Variants in DNAH14 observed in about 807,000 individuals in gnomAD.
DNAH14 encodes axonemal beta dynein heavy chain 14.
In DNAH14, 478 loss-of-function variants were observed where a neutral mutation model predicts 520.9. The observed-to-expected ratio is 0.92, with a 90% CI of 0.85 to 0.99. The LOEUF (loss-of-function observed/expected upper bound fraction) is 0.99. DNAH14 is among the 50% of genes least tolerant of loss of function. The pLI is 0.00. For synonymous variants in DNAH14, 1,581 were observed against 1,757.2 expected, an observed-to-expected ratio of 0.90 and a Z score of 2.51; for missense variants, 4,831 against 5,234.5, an observed-to-expected ratio of 0.92 and a Z score of 2.38.
chr1:225,026,256 A>AT (rs1331491425), intron 11 of DNAH14, among the ~76,000 whole-genome samples: 1 of 151,270 alleles, frequency 6.6e-6, no homozygotes, highest in Non-Finnish European at 1.5e-5. Context: ...TTTTTATTTA[A>AT]TTTTTAATTT....
chr1:225,051,280 A>G (rs1209587888), intron 16 of DNAH14, among the ~76,000 whole-genome samples, 171 bp from the exon 17 acceptor site: 1 of 152,218 alleles, frequency 6.6e-6, no homozygotes, highest in Non-Finnish European at 1.5e-5. Flanking sequence ...AAGCCATCTA[A>G]ATTTCTTAAA....
intron 5 of DNAH14, 26 bp from the exon 6 acceptor site, chr1:224,967,405 G>GTT (rs761784985): frequency 1.0e-5 from 15 of 1,465,506 alleles, no homozygotes; most frequent in Admixed American, 7.5e-5. Flanking sequence ...AATTAAATTT[G>GTT]TTTATTATTT....
Position 225,331,516 on chromosome 1 carries a change from CA to C in DNAH14, c.9805del (p.Met3269TrpfsTer13). On this transcript the variant is annotated frameshift_variant, in exon 65 of 86. Transcript: ENST00000682510. LOFTEE classifies it high-confidence loss of function. The stretch of plus-strand genomic sequence containing the variant: ...AAACAACTATTAGCAAATCGGAAAA[CA>C]ATGGCCAGCAGGCGCTTTCAGTGTG... ...AEKQLLANRKTMASRRFQCAS... is the reference protein window; with the variant it reads ...AEKQLLANRKXMASRRFQCAS... The C allele has an allele frequency of 6.4e-7, 1 of 1,551,294 alleles. No individual in the cohort carries two copies. Among genetic ancestry groups the C allele is most frequent in the Non-Finnish European group, 8.7e-7 (1 of 1,146,804 alleles).
At chr1:225,056,603 C>G (rs148558678) in intron 17 of DNAH14, among the ~76,000 whole-genome samples, 8,400 of 152,206 alleles carry the variant, frequency 0.055, 473 homozygotes, top group East Asian at 0.24. Context: ...GAAGTCCTTG[C>G]CCATGCCTAT....
chr1:225,179,903 T>C (rs935798604), intron 36 of DNAH14, among the ~76,000 whole-genome samples: 1 of 152,034 alleles, frequency 6.6e-6, no homozygotes, highest in African/African-American at 2.4e-5. Context: ...GTTGACAGTT[T>C]TTTTTTTCTG....
intron 21 of DNAH14, among the ~76,000 whole-genome samples, chr1:225,087,568 C>G (rs1276878745): frequency 6.6e-6 from 1 of 152,164 alleles, no homozygotes; most frequent in African/African-American, 2.4e-5. Flanking sequence ...AGTTGAGAAA[C>G]AAACAAGGTA....
chr1:225,015,990 T>G (rs1183100807), intron 10 of DNAH14, among the ~76,000 whole-genome samples: 2 of 152,196 alleles, frequency 1.3e-5, no homozygotes, highest in South Asian at 4.1e-4. Context: ...GTAGCTCTTA[T>G]TGTAATGAAT....
At chr1:225,187,917 T>C (rs2084944483) in intron 37 of DNAH14, among the ~76,000 whole-genome samples, 1 of 151,850 alleles carries the variant, frequency 6.6e-6, no homozygotes, top group South Asian at 2.1e-4. Context: ...TGATGTGAAG[T>C]GTAGGGGTCC....
intron 78 of DNAH14, among the ~76,000 whole-genome samples, chr1:225,375,406 A>G (rs149457974): frequency 1.3e-4 from 20 of 152,312 alleles, no homozygotes; most frequent in Non-Finnish European, 1.6e-4. Context: ...CTCTGACCTT[A>G]GACTGTAGAG....
At chr1:225,077,251 A>T (rs921334908) in intron 17 of DNAH14, among the ~76,000 whole-genome samples, 2 of 152,170 alleles carry the variant, frequency 1.3e-5, no homozygotes, top group African/African-American at 4.8e-5. Flanking sequence ...CTCACATCCA[A>T]ATTGATAGAT....
At chr1:225,280,934 C>T (rs2093615465) in intron 54 of DNAH14, among the ~76,000 whole-genome samples, 1 of 152,114 alleles carries the variant, frequency 6.6e-6, no homozygotes, top group African/African-American at 2.4e-5. Context: ...ATAAACAGCT[C>T]TGATAATTTG....
chr1:224,972,754 C>T (rs765482646), intron 7 of DNAH14, among the ~76,000 whole-genome samples: 32 of 152,244 alleles, frequency 2.1e-4, no homozygotes, highest in Admixed American at 1.4e-3. Context: ...TGTGAGCCAC[C>T]GCGCTTGGCC....
intron 55 of DNAH14, among the ~76,000 whole-genome samples, chr1:225,295,195 CA>C (rs151001148): frequency 0.036 from 5,516 of 151,860 alleles, 303 homozygotes; most frequent in African/African-American, 0.12. Flanking sequence ...TTTTTCTTTG[CA>C]AAAAAACTTT....
chr1:225,124,391 C>T (rs1416806538), intron 27 of DNAH14, among the ~76,000 whole-genome samples: 4 of 152,174 alleles, frequency 2.6e-5, no homozygotes, highest in Non-Finnish European at 5.9e-5. Flanking sequence ...AAATTGGAGT[C>T]AATTCTCTCA....
intron 27 of DNAH14, among the ~76,000 whole-genome samples, chr1:225,137,939 C>T (rs1294005719): frequency 6.6e-6 from 1 of 152,130 alleles, no homozygotes; most frequent in Admixed American, 6.5e-5. Flanking sequence ...GAAGAGATCT[C>T]TGTCCACAGA....
rs577671266 is a variant in DNAH14 at position 225,127,598 on chromosome 1, G to A, written c.4254+3984G>A. Among the ~76,000 whole-genome samples, 760 of 152,108 alleles carry A rather than the reference G, an allele frequency of 5.0e-3. 6 individuals carry two copies. The highest frequency in any genetic ancestry group is 0.017 in the African/African-American group (717 of 41,428). On this transcript the variant is annotated intron_variant, in intron 27 of 85. Coordinates refer to ENST00000682510, the MANE Select transcript of DNAH14 (RefSeq NM_001367479.1). ...CCATCCTTTTATTTTGAGCCTATGT[G>A]TGTCTCTGCACGTGAGATGGGTTTC...
chr1:225,022,835 A>G (rs771977920), intron 10 of DNAH14, among the ~76,000 whole-genome samples: 4 of 152,228 alleles, frequency 2.6e-5, no homozygotes, highest in Non-Finnish European at 5.9e-5. Context: ...AAGACATGGA[A>G]TCAACCTAGA....
At chr1:225,186,065 T>G (rs2084689788) in intron 37 of DNAH14, among the ~76,000 whole-genome samples, 1 of 151,632 alleles carries the variant, frequency 6.6e-6, no homozygotes, top group Admixed American at 6.6e-5. Context: ...AACTTGTCTT[T>G]GAATTCCTTG....
At chr1:225,028,505 GAGGCTTTTCTCTTATTTTCTTAGTCT>G (rs1243976603) in intron 11 of DNAH14, among the ~76,000 whole-genome samples, 1 of 151,632 alleles carries the variant, frequency 6.6e-6, no homozygotes, top group Non-Finnish European at 1.5e-5. Flanking sequence ...TTAGTAATTT[GAGGCTTTTCTCTTATTTTCTTAGTCT>G]AGTTAAACAT....
Sources: gnomAD v4.1 joint callset for allele counts (sites outside exome capture counted in the v4.1 genomes callset) on GRCh38, gnomAD v4.1.1 for gene constraint, MANE v1.5 for transcripts, NCBI Gene and HGNC (gene_info 2026-07-23, HGNC 2026-07-21) for gene names.